Variants in LPIN1 observed in about 807,000 individuals in gnomAD.
The protein encoded by LPIN1 is lipin 1.
In LPIN1, 71 loss-of-function variants were observed where a neutral mutation model predicts 107.5. That is an observed-to-expected ratio of 0.66 (90% confidence interval 0.55 to 0.80). The LOEUF (loss-of-function observed/expected upper bound fraction) is 0.80. Ranked by LOEUF, LPIN1 falls within the 30% of genes least tolerant of loss-of-function variation. LPIN1 has a pLI of 0.00. For synonymous variants in LPIN1, 445 were observed against 452.6 expected (o/e 0.98, Z 0.21); for missense variants, 1,043 against 1,160.6 (o/e 0.90, Z 1.47).
intron 17 of LPIN1, among the ~76,000 whole-genome samples, chr2:11,810,888 G>A (rs1025042344): frequency 1.3e-5 from 2 of 152,192 alleles, no homozygotes; most frequent in African/African-American, 4.8e-5. Context: ...AGTGTCTTAA[G>A]AGGGATGCAG....
At chr2:11,788,362 C>T (rs1675038409) in intron 11 of LPIN1, 25 bp from the exon 12 acceptor site, 1 of 1,579,192 alleles carries the variant, frequency 6.3e-7, no homozygotes, top group African/African-American at 1.3e-5. Context: ...GGTTTTTTGA[C>T]ATATATTTCA....
In LPIN1 at chr2:11,686,290, C is replaced by T. The variant is rs193302350; in HGVS notation, c.81+8562C>T. On this transcript the variant is annotated intron_variant, in intron 1 of 21. Coordinates refer to the LPIN1 transcript ENST00000449576. ...GCACTTATCATGTGATCACCCACAGCCCCTGGGCTGTCCCTTTGAGAAAGC... is the reference window on the plus strand; with the variant it reads ...GCACTTATCATGTGATCACCCACAGTCCCTGGGCTGTCCCTTTGAGAAAGC... 1.4e-3 allele frequency among the ~76,000 whole-genome samples: 210 copies of T among 152,242 alleles called. 2 individuals carry two copies. Among genetic ancestry groups the T allele is most frequent in the African/African-American group, 4.0e-3 (167 of 41,560 alleles).
In LPIN1 at chr2:11,820,296, G is replaced by A. The variant is rs138082406; in HGVS notation, c.2518-115G>A. 4,577 of 722,510 alleles carry A rather than the reference G, an allele frequency of 6.3e-3. 25 individuals are homozygous for A. The highest frequency in any genetic ancestry group is 8.9e-3 in the Non-Finnish European group (3,561 of 399,358). The allele number at this position is 722,510 out of a possible 1,614,324, so 44.8% of individuals were successfully genotyped here. ...TATTCTTTCACTGCACCACTTTGAG[G>A]TAGAGCTCTGGTTAATGAAAATTTG... On this transcript the variant is annotated intron_variant, in intron 19 of 20. Transcript: ENST00000674199.
At chr2:11,762,113 G>A (rs929828303) in intron 1 of LPIN1, among the ~76,000 whole-genome samples, 3 of 151,946 alleles carry the variant, frequency 2.0e-5, no homozygotes, top group Admixed American at 6.6e-5. Context: ...CCCTCCTCGC[G>A]TTCATTCCTT....
intron 2 of LPIN1, among the ~76,000 whole-genome samples, chr2:11,766,434 TG>T (rs1670901046): frequency 2.0e-5 from 3 of 152,142 alleles, no homozygotes; most frequent in African/African-American, 7.2e-5. Context: ...GGCTGGGAAG[TG>T]TAGCCTCCTG....
chr2:11,689,721 T>A (rs1285499769), intron 1 of LPIN1, among the ~76,000 whole-genome samples: 2 of 152,140 alleles, frequency 1.3e-5, no homozygotes, highest in Non-Finnish European at 2.9e-5. Flanking sequence ...CTGGCCAACA[T>A]GGCGAAACCC....
Position 11,786,916 on chromosome 2 carries a change from G to A in LPIN1, c.1550-158G>A. On this transcript the variant is annotated intron_variant, in intron 10 of 20. Transcript: ENST00000674199. This position sits in a 1 kb window ranked among gnomAD's most constrained non-coding sequence, Gnocchi z 4.1. ...ACAGACGCCGCCTTCCAGGTAAAAT[G>A]GTGCGGCCTTTACAAATACATTTTA... 3.0e-6 allele frequency: 2 copies of A among 671,620 alleles called. No individual in the cohort carries two copies. Among genetic ancestry groups the A allele is most frequent in the South Asian group, 3.2e-5 (2 of 61,830 alleles). 41.6% of individuals were successfully genotyped at this position (671,620 alleles called of 1,614,324 possible).
chr2:11,799,112 G>A (rs1572898753), intron 14 of LPIN1, among the ~76,000 whole-genome samples: 1 of 152,144 alleles, frequency 6.6e-6, no homozygotes, highest in African/African-American at 2.4e-5. Flanking sequence ...AATCTGAGAC[G>A]TGGCAGCCGC....
Position 11,803,034 on chromosome 2 carries a change from G to GT in LPIN1, c.2013+2dup. The GT allele has an allele frequency of 6.2e-7, 1 of 1,612,312 alleles. No homozygotes were observed. The highest frequency in any genetic ancestry group is 8.5e-7 in the Non-Finnish European group (1 of 1,180,030). ...TCTCCGGCTGACTTCCGAGCAGCTT[G>GT]TGAGTCTCCCATGCTTGGCGCGGCT... On this transcript the variant is annotated splice_donor_variant, in intron 15 of 20. Coordinates refer to ENST00000674199, the MANE Select transcript of LPIN1 (RefSeq NM_001349206.2). LOFTEE classifies it high-confidence loss of function. This position sits in a 1 kb window ranked among gnomAD's most constrained non-coding sequence, Gnocchi z 4.2.
rs771492647 is a variant in LPIN1 at position 11,788,397 on chromosome 2, T to C, written c.1654T>C (p.Trp552Arg). ...VVKIGSKYYN[W>R]TTAAPLLLAM... ...ATTGTTTTGTGTTAGATATTATAAC[T>C]GGACAACAGCAGCACCCCTCCTCCT... The change falls in exon 12 of 21, where the codon TGG (tryptophan) becomes CGG (arginine). Residue 552 changes from tryptophan to arginine, a missense_variant. By Grantham distance (101) the Trp-to-Arg change is moderately radical. Transcript: ENST00000674199. 1.9e-6 allele frequency: 3 copies of C among 1,613,608 alleles called. No individual in the cohort carries two copies. Among genetic ancestry groups the C allele is most frequent in the Non-Finnish European group, 2.5e-6 (3 of 1,179,478 alleles).
intron 1 of LPIN1, among the ~76,000 whole-genome samples, 190 bp downstream of exon 1, chr2:11,746,861 C>G (rs1259710987): frequency 6.8e-6 from 1 of 147,932 alleles, no homozygotes; most frequent in African/African-American, 2.4e-5. Flanking sequence ...GGGAGGGAGG[C>G]GGGGAAACAG....
chr2:11,704,713 T>C (rs3923671), intron 1 of LPIN1, among the ~76,000 whole-genome samples: 36,851 of 152,042 alleles, frequency 0.24, 4,664 homozygotes, highest in South Asian at 0.29. Flanking sequence ...AGGGGGTAAA[T>C]GTCTCACAGT....
intron 1 of LPIN1, chr2:11,682,871 T>G (rs2148500670): frequency 6.6e-6 from 1 of 152,306 alleles, no homozygotes; most frequent in African/African-American, 2.4e-5. Context: ...CTGTAATTAT[T>G]TATGCACCCT....
At chr2:11,705,809 G>A (rs1214024415) in intron 1 of LPIN1, among the ~76,000 whole-genome samples, 1 of 152,194 alleles carries the variant, frequency 6.6e-6, no homozygotes, top group Non-Finnish European at 1.5e-5. Context: ...AAAGCAGTGG[G>A]AAGTTATATA....
chr2:11,819,401 C>G (rs1573024155), intron 18 of LPIN1, 83 bp from the exon 19 acceptor site: 2 of 907,830 alleles, frequency 2.2e-6, no homozygotes, highest in East Asian at 2.4e-5. Flanking sequence ...CTCAGTGTTG[C>G]GGCAGCTTTG....
At chr2:11,708,238 C>T (rs1346356770) in intron 1 of LPIN1, among the ~76,000 whole-genome samples, 1 of 152,204 alleles carries the variant, frequency 6.6e-6, no homozygotes, top group African/African-American at 2.4e-5. Context: ...ATCAATTTCA[C>T]TTTTTGCCTA....
Position 11,787,081 on chromosome 2 carries a change from C to T in LPIN1, c.1557C>T (p.Phe519=). The change falls in exon 11 of 21, where the codon TTC becomes TTT. Residue 519 remains phenylalanine, a synonymous_variant. Transcript: ENST00000674199. ...SDHREITKDA[F]LEQAVSYQQF... is the part of the protein sequence containing the mutation. ...CTGCAATTGCTGTCACAGATGCATT[C>T]CTGGAGCAAGCTGTGTCATATCAAC... 6.2e-7 allele frequency: 1 copy of T among 1,613,328 alleles called. No individual in the cohort carries two copies.
intron 2 of LPIN1, among the ~76,000 whole-genome samples, chr2:11,714,090 T>TA (rs1395554054): frequency 6.6e-6 from 1 of 152,230 alleles, no homozygotes; most frequent in African/African-American, 2.4e-5. Context: ...CCTCCCTGAT[T>TA]AAAAAGCCTT....
chr2:11,767,754 TC>T lies in LPIN1; in HGVS notation c.193-6del. On this transcript the variant is annotated splice_polypyrimidine_tract_variant and splice_region_variant and intron_variant, in intron 2 of 20. Coordinates refer to ENST00000674199, the MANE Select transcript of LPIN1 (RefSeq NM_001349206.2). The stretch of plus-strand genomic sequence containing the variant: ...GTTCATTCTTTTCTTAACCATGTTT[TC>T]CCTTCAGGTTGACATAGAAATCAAT... 6.3e-7 allele frequency: 1 copy of T among 1,576,562 alleles called. No homozygotes were observed. Among genetic ancestry groups the T allele is most frequent in the Non-Finnish European group, 8.7e-7 (1 of 1,145,612 alleles).
Sources: allele counts gnomAD v4.1 joint callset (sites outside exome capture counted in the v4.1 genomes callset), GRCh38; gene constraint gnomAD v4.1.1; non-coding constraint Gnocchi (gnomAD v3.1); transcripts MANE v1.5; gene names NCBI Gene and HGNC (gene_info 2026-07-23, HGNC 2026-07-21).